Variants in CC2D2A observed in about 807,000 individuals in gnomAD.
CC2D2A encodes the protein coiled-coil and C2 domain containing 2A, also known as coiled-coil and C2 domain-containing protein 2A.
Under a neutral mutation model 212.9 loss-of-function variants are expected in CC2D2A, and 155 were observed. That is an observed-to-expected ratio of 0.73 (90% CI 0.64 to 0.83). The LOEUF (loss-of-function observed/expected upper bound fraction) is 0.83. Ranked by LOEUF, CC2D2A falls within the 40% of genes least tolerant of loss-of-function variation. The pLI, the probability that CC2D2A is intolerant of heterozygous loss-of-function variation, is 0.00. For missense variants in CC2D2A, 1,856 were observed against 1,956.2 expected (o/e 0.95, Z 0.97); for synonymous variants, 667 against 686.5 (o/e 0.97, Z 0.44).
chr4:15,494,536 A>G lies in CC2D2A; in HGVS notation c.248-7893A>G, dbSNP rs1384360220. On this transcript the variant is annotated intron_variant, in intron 4 of 36. Transcript: ENST00000424120. ...TTTGACTTTCTTTTCATGTAGTGAC[A>G]CTTTCACAAGTGACACTAGTCTATT... 3.3e-5 allele frequency among the ~76,000 whole-genome samples: 5 copies of G among 152,222 alleles called. No individual in the cohort carries two copies. The East Asian group carries it at 9.6e-4, about 29-fold the overall frequency.
At chr4:15,586,307 C>T in intron 31 of CC2D2A, 61 bp downstream of exon 31, 3 of 1,024,334 alleles carry the variant, frequency 2.9e-6, no homozygotes, top group Non-Finnish European at 4.2e-6. Context: ...TATTAGCTAA[C>T]TGACTTGCAT....
At chr4:15,562,163 TAG>T (rs1458034873) in intron 23 of CC2D2A, among the ~76,000 whole-genome samples, 1 of 152,202 alleles carries the variant, frequency 6.6e-6, no homozygotes, top group Non-Finnish European at 1.5e-5. Flanking sequence ...CAGCAGCGCC[TAG>T]ACAGGAGCTG....
At chr4:15,566,897 CCTGGGAGGTTGAGG>C (rs1250410817) in intron 24 of CC2D2A, among the ~76,000 whole-genome samples, 1 of 152,058 alleles carries the variant, frequency 6.6e-6, no homozygotes, top group Non-Finnish European at 1.5e-5. Context: ...ATCGCTTGAG[CCTGGGAGGTTGAGG>C]CTGGAGTGAG....
At chr4:15,587,710 T>G in intron 31 of CC2D2A, 106 bp from the exon 32 acceptor site, 1 of 619,200 alleles carries the variant, frequency 1.6e-6, no homozygotes, top group East Asian at 2.9e-5. Flanking sequence ...TTATAGGTCT[T>G]ACACTTCAAG....
intron 4 of CC2D2A, among the ~76,000 whole-genome samples, chr4:15,483,469 G>A (rs934728902): frequency 6.6e-6 from 1 of 152,178 alleles, no homozygotes; most frequent in Non-Finnish European, 1.5e-5. Flanking sequence ...TCACCTATCA[G>A]TCCTTTCGAC....
intron 1 of CC2D2A, among the ~76,000 whole-genome samples, chr4:15,475,376 C>A (rs566619161): frequency 6.6e-6 from 1 of 152,072 alleles, no homozygotes; most frequent in South Asian, 2.1e-4. Flanking sequence ...GGAAGAAAAT[C>A]CAGATGAAAG....
intron 33 of CC2D2A, among the ~76,000 whole-genome samples, chr4:15,590,920 G>A (rs1034587419): frequency 2.0e-5 from 3 of 151,744 alleles, no homozygotes; most frequent in Non-Finnish European, 4.4e-5. Context: ...AAGAGATGAG[G>A]TCTCACCATA....
At chr4:15,534,159 T>C (rs768348897) in intron 14 of CC2D2A, among the ~76,000 whole-genome samples, 1 of 152,350 alleles carries the variant, frequency 6.6e-6, no homozygotes, top group Non-Finnish European at 1.5e-5. Context: ...TGGTCACTTT[T>C]TGGACTGGAT....
intron 4 of CC2D2A, among the ~76,000 whole-genome samples, chr4:15,484,647 G>A (rs1714897829): frequency 6.6e-6 from 1 of 152,160 alleles, no homozygotes; most frequent in Admixed American, 6.5e-5. Context: ...TTTCTCGATT[G>A]AACAAGAATT....
chr4:15,577,452 C>G (rs1255256971), intron 29 of CC2D2A, among the ~76,000 whole-genome samples: 1 of 152,140 alleles, frequency 6.6e-6, no homozygotes, highest in African/African-American at 2.4e-5. Context: ...TCATAAGTGA[C>G]CCAAATTCTT....
intron 4 of CC2D2A, among the ~76,000 whole-genome samples, chr4:15,499,651 T>A (rs1041604526): frequency 6.6e-6 from 1 of 152,212 alleles, no homozygotes; most frequent in African/African-American, 2.4e-5. Context: ...ATAACTGTTT[T>A]ATGAAAACTA....
At chr4:15,482,369 G>A (rs1714732179) in intron 4 of CC2D2A, 3 of 842,262 alleles carry the variant, frequency 3.6e-6, no homozygotes, top group African/African-American at 3.7e-5. Context: ...TAGACTGGGG[G>A]GCTTAAACAC....
chr4:15,578,373 T>TA (rs1720500630), intron 29 of CC2D2A, among the ~76,000 whole-genome samples: 1 of 152,186 alleles, frequency 6.6e-6, no homozygotes, highest in Non-Finnish European at 1.5e-5. Context: ...AGCCCCAATA[T>TA]AAGGGGCAGA....
At chr4:15,576,382 A>G in intron 29 of CC2D2A, 1 of 984,850 alleles carries the variant, frequency 1.0e-6, no homozygotes, top group African/African-American at 1.7e-5. Context: ...GGATTAGCAG[A>G]TTAGAGTCTC....
At chr4:15,586,704 T>C (rs1172220197) in intron 31 of CC2D2A, among the ~76,000 whole-genome samples, 1 of 152,188 alleles carries the variant, frequency 6.6e-6, no homozygotes, top group Non-Finnish European at 1.5e-5. Flanking sequence ...ATAAACATAG[T>C]CTCTGCCCTC....
intron 15 of CC2D2A, 59 bp from the exon 16 acceptor site, chr4:15,537,840 T>C: frequency 2.0e-6 from 3 of 1,521,954 alleles, no homozygotes; most frequent in South Asian, 2.5e-5. Context: ...ATGAAGACTG[T>C]GCTCTTAAAT....
intron 6 of CC2D2A, among the ~76,000 whole-genome samples, chr4:15,507,113 G>GTAAT (rs1218778993): frequency 6.6e-6 from 1 of 151,688 alleles, no homozygotes; most frequent in East Asian, 1.9e-4. Flanking sequence ...CTTACACTGG[G>GTAAT]TAATACTCAT....
At chr4:15,593,266 G>T (rs1277084649) in intron 33 of CC2D2A, among the ~76,000 whole-genome samples, 1 of 152,090 alleles carries the variant, frequency 6.6e-6, no homozygotes, top group Non-Finnish European at 1.5e-5. Context: ...CTACTCTATA[G>T]CCAAATTGTA....
chr4:15,547,359 A>T (rs983655940), intron 17 of CC2D2A, among the ~76,000 whole-genome samples: 1 of 152,206 alleles, frequency 6.6e-6, no homozygotes, highest in Non-Finnish European at 1.5e-5. Flanking sequence ...ACAGTAAGTT[A>T]TTGTTAACTA....
Sources: gnomAD v4.1 joint callset for allele counts (sites outside exome capture counted in the v4.1 genomes callset) on GRCh38, gnomAD v4.1.1 for gene constraint, MANE v1.5 for transcripts, NCBI Gene and HGNC (gene_info 2026-07-23, HGNC 2026-07-21) for gene names.